The following FHOD3 variants were observed in gnomAD, a reference collection of about 807,000 sequenced individuals.
FHOD3 encodes FH1/FH2 domain-containing protein 3.
FHOD3 carries 90 observed loss-of-function variants against 173.0 expected under a neutral mutation model. The observed-to-expected ratio is 0.52, with a 90% confidence interval of 0.44 to 0.62. FHOD3 has a LOEUF of 0.62. FHOD3 is among the 20% of genes least tolerant of loss of function. The pLI is 0.00. For synonymous variants in FHOD3, 828 were observed against 823.0 expected (o/e 1.01, Z -0.10); for missense variants, 1,945 against 2,034.7 (o/e 0.96, Z 0.85).
intron 7 of FHOD3, among the ~76,000 whole-genome samples, chr18:36,597,918 T>A (rs1466444594): frequency 1.3e-5 from 2 of 152,226 alleles, no homozygotes; most frequent in African/African-American, 4.8e-5. Context: ...TGTGATTTTA[T>A]AATGCATACA....
chr18:36,739,289 A>G lies in FHOD3; in HGVS notation c.3577-1367A>G, dbSNP rs147268362. ...ATTGAAAATAGATTTACATGAGTAT[A>G]AATACAGTTGCCAAGAACCCATACT... On this transcript the variant is annotated intron_variant, in intron 20 of 28. Coordinates refer to ENST00000590592, the MANE Select transcript of FHOD3 (RefSeq NM_001281740.3). Among the ~76,000 whole-genome samples, 415 of 152,334 alleles carry G rather than the reference A, an allele frequency of 2.7e-3. 2 individuals carry two copies. Among genetic ancestry groups the G allele is most frequent in the South Asian group, 5.2e-3 (25 of 4,828 alleles).
intron 3 of FHOD3, among the ~76,000 whole-genome samples, chr18:36,495,379 C>A (rs1019144884): frequency 1.3e-5 from 2 of 152,288 alleles, no homozygotes; most frequent in Middle Eastern, 3.4e-3. Flanking sequence ...TGCTCCCCTG[C>A]AACCTCCCCT....
At chr18:36,327,420 C>A (rs1048253187) in intron 1 of FHOD3, among the ~76,000 whole-genome samples, 2 of 152,220 alleles carry the variant, frequency 1.3e-5, no homozygotes, top group African/African-American at 4.8e-5. Context: ...AAGGCAAAAA[C>A]CGCAATTACT....
chr18:36,713,970 A>G (rs191110987), intron 18 of FHOD3, among the ~76,000 whole-genome samples: 166 of 152,334 alleles, frequency 1.1e-3, no homozygotes, highest in African/African-American at 3.8e-3. Context: ...TACCATATAT[A>G]GAAAACTCTT....
chr18:36,569,806 T>C (rs2058391669), intron 5 of FHOD3, among the ~76,000 whole-genome samples: 1 of 152,144 alleles, frequency 6.6e-6, no homozygotes, highest in African/African-American at 2.4e-5. Flanking sequence ...TCTTAGAAAT[T>C]AACACACTTC....
At chr18:36,720,354 C>T (rs2040695709) in intron 19 of FHOD3, among the ~76,000 whole-genome samples, 1 of 151,616 alleles carries the variant, frequency 6.6e-6, no homozygotes, top group Non-Finnish European at 1.5e-5. Flanking sequence ...TCTCCTGCCT[C>T]CGCCTCCTGA....
intron 5 of FHOD3, among the ~76,000 whole-genome samples, chr18:36,535,963 C>G (rs149714599): frequency 2.6e-5 from 4 of 152,218 alleles, no homozygotes; most frequent in Non-Finnish European, 5.9e-5. Flanking sequence ...TAAATTCAAA[C>G]TACAATAGTA....
chr18:36,732,712 G>A (rs1389440514), intron 20 of FHOD3, among the ~76,000 whole-genome samples: 1 of 152,192 alleles, frequency 6.6e-6, no homozygotes, highest in African/African-American at 2.4e-5. Flanking sequence ...GACTGAGGCA[G>A]TTGCCAGATC....
chr18:36,299,855 A>G (rs1053506624), intron 1 of FHOD3, among the ~76,000 whole-genome samples: 1 of 152,196 alleles, frequency 6.6e-6, no homozygotes, highest in African/African-American at 2.4e-5. Flanking sequence ...CCTGCAGTAT[A>G]TTTAGATGTC....
intron 1 of FHOD3, among the ~76,000 whole-genome samples, chr18:36,322,779 T>C (rs2044466004): frequency 6.6e-6 from 1 of 152,186 alleles, no homozygotes; most frequent in Admixed American, 6.5e-5. Flanking sequence ...GCTTGCTGGC[T>C]TTGTCATCCC....
intron 17 of FHOD3, among the ~76,000 whole-genome samples, chr18:36,703,703 G>A (rs376326291): frequency 1.3e-5 from 2 of 152,212 alleles, no homozygotes; most frequent in African/African-American, 4.8e-5. Flanking sequence ...ACAAGATTGT[G>A]TGAGTGATGG....
At chr18:36,507,186 G>C (rs111882454) in intron 4 of FHOD3, among the ~76,000 whole-genome samples, 4 of 152,358 alleles carry the variant, frequency 2.6e-5, no homozygotes, top group African/African-American at 9.6e-5. Flanking sequence ...GTCAGGAGTG[G>C]TGGTGGTGCC....
At chr18:36,407,903 T>G (rs1451792434) in intron 3 of FHOD3, among the ~76,000 whole-genome samples, 1 of 152,230 alleles carries the variant, frequency 6.6e-6, no homozygotes, top group Non-Finnish European at 1.5e-5. Context: ...AGCTAGTAGA[T>G]GATCAATGAT....
intron 3 of FHOD3, among the ~76,000 whole-genome samples, chr18:36,461,216 G>T (rs1298403120): frequency 6.6e-6 from 1 of 152,158 alleles, no homozygotes; most frequent in Non-Finnish European, 1.5e-5. Flanking sequence ...CTGCTTCTGA[G>T]AAAGGCTGCT....
chr18:36,731,659 A>G lies in FHOD3; in HGVS notation c.3576+855A>G, dbSNP rs118046596. Among the ~76,000 whole-genome samples, 251 of 152,304 alleles carry G rather than the reference A, an allele frequency of 1.6e-3. 3 individuals are homozygous for G. In the Middle Eastern group the frequency reaches 0.027, roughly 17 times the overall value. On this transcript the variant is annotated intron_variant, in intron 20 of 28. Transcript: ENST00000590592. Reference sequence around the variant, plus strand: ...TGGGGTTCATCTTCTTGTTTGAGACACTTGGGCATGGACAGAACCAATGAT... The same window carrying G: ...TGGGGTTCATCTTCTTGTTTGAGACGCTTGGGCATGGACAGAACCAATGAT...
At chr18:36,336,027 A>G (rs560783913) in intron 1 of FHOD3, among the ~76,000 whole-genome samples, 3 of 152,268 alleles carry the variant, frequency 2.0e-5, no homozygotes, top group Admixed American at 1.3e-4. Flanking sequence ...TACACCACAC[A>G]CATCTGGTGC....
At chr18:36,648,051 G>A (rs552234614) in intron 10 of FHOD3, among the ~76,000 whole-genome samples, 1 of 152,308 alleles carries the variant, frequency 6.6e-6, no homozygotes, top group Non-Finnish European at 1.5e-5. Flanking sequence ...TAAAGATCCT[G>A]GTAGATGATG....
At chr18:36,595,415 T>C (rs1212074940) in intron 7 of FHOD3, among the ~76,000 whole-genome samples, 1 of 152,202 alleles carries the variant, frequency 6.6e-6, no homozygotes, top group South Asian at 2.1e-4. Context: ...CCAGTGCTTA[T>C]AGCATAAAGT....
At chr18:36,560,116 G>C (rs573532966) in intron 5 of FHOD3, among the ~76,000 whole-genome samples, 8 of 152,318 alleles carry the variant, frequency 5.3e-5, no homozygotes, top group African/African-American at 1.2e-4. Flanking sequence ...TGTACCCCTT[G>C]TTGGGTAGAT....
Sources: allele counts gnomAD v4.1 joint callset (sites outside exome capture counted in the v4.1 genomes callset), GRCh38; gene constraint gnomAD v4.1.1; transcripts MANE v1.5; gene names NCBI Gene and HGNC (gene_info 2026-07-23, HGNC 2026-07-21).